The following KIF6 variants were observed in gnomAD, a reference collection of about 807,000 sequenced individuals.
KIF6 encodes kinesin-like protein KIF6.
Under a neutral mutation model 112.7 loss-of-function variants are expected in KIF6, and 106 were observed. The observed-to-expected ratio is 0.94, with a 90% CI of 0.80 to 1.11. The LOEUF (loss-of-function observed/expected upper bound fraction) is 1.11, where lower values mean the gene tolerates loss of function less well. Among genes scored for constraint, KIF6 ranks in the 50% least tolerant of loss-of-function variants. The pLI, the probability that KIF6 is intolerant of heterozygous loss-of-function variation, is 0.00. For missense variants in KIF6, 929 were observed against 964.0 expected (o/e 0.96, Z 0.48); for synonymous variants, 339 against 339.9 (o/e 1.00, Z 0.03).
intron 13 of KIF6, among the ~76,000 whole-genome samples, chr6:39,483,522 G>A (rs921299694): frequency 5.3e-5 from 8 of 152,148 alleles, no homozygotes; most frequent in African/African-American, 1.9e-4. Flanking sequence ...GACATGCCAA[G>A]TTTTCTCTGT....
At chr6:39,670,347 A>G (rs1056586832) in intron 3 of KIF6, among the ~76,000 whole-genome samples, 7 of 152,234 alleles carry the variant, frequency 4.6e-5, no homozygotes, top group African/African-American at 1.7e-4. Flanking sequence ...CTCTACAGAA[A>G]CTTAATTAGT....
chr6:39,495,710 T>C (rs779235350), intron 13 of KIF6, among the ~76,000 whole-genome samples: 2 of 152,202 alleles, frequency 1.3e-5, no homozygotes, highest in African/African-American at 2.4e-5. Context: ...ATGCAGAGTA[T>C]GACTTTTTTA....
At chr6:39,627,252 C>T (rs1234031753) in intron 5 of KIF6, among the ~76,000 whole-genome samples, 1 of 152,188 alleles carries the variant, frequency 6.6e-6, no homozygotes, top group Non-Finnish European at 1.5e-5. Context: ...AGGATGATTT[C>T]ATCTGCTATC....
intron 15 of KIF6, among the ~76,000 whole-genome samples, chr6:39,419,440 AC>A (rs1435368779): frequency 6.6e-6 from 1 of 150,978 alleles, no homozygotes; most frequent in Non-Finnish European, 1.5e-5. Context: ...AGGGGTACTC[AC>A]CTAAGTGGGG....
intron 15 of KIF6, among the ~76,000 whole-genome samples, chr6:39,403,041 TA>T (rs58238004): frequency 0.076 from 11,482 of 150,840 alleles, 596 homozygotes; most frequent in African/African-American, 0.14. Context: ...CTAGAGAAAT[TA>T]AAAAAAAAAT....
intron 13 of KIF6, among the ~76,000 whole-genome samples, chr6:39,466,188 G>T (rs1044242624): frequency 2.0e-5 from 3 of 152,288 alleles, no homozygotes; most frequent in Non-Finnish European, 4.4e-5. Context: ...GTAAAAAGTT[G>T]TTCTGATAAA....
chr6:39,343,611 G>T lies in KIF6; in HGVS notation c.2428+98C>A, dbSNP rs1196185983. On this transcript the variant is annotated intron_variant, in intron 22 of 22. Transcript: ENST00000287152. This position sits in a 1 kb window ranked among gnomAD's most constrained non-coding sequence, Gnocchi z 4.1. ...GCCAGTCCTGTGGCTTCAGGAATATGCAGGAAACTCCCTACTCCCCTCCCA... is the reference window on the plus strand; with the variant it reads ...GCCAGTCCTGTGGCTTCAGGAATATTCAGGAAACTCCCTACTCCCCTCCCA... The T allele has an allele frequency of 3.5e-6, 4 of 1,153,988 alleles. No individual in the cohort carries two copies. The highest frequency in any genetic ancestry group is 4.9e-6 in the Non-Finnish European group (4 of 814,894). 71.5% of individuals were successfully genotyped at this position (1,153,988 alleles called of 1,614,324 possible).
chr6:39,442,632 T>C (rs1771988421), intron 13 of KIF6, among the ~76,000 whole-genome samples: 1 of 152,214 alleles, frequency 6.6e-6, no homozygotes, highest in African/African-American at 2.4e-5. Context: ...CTGGATCTAT[T>C]GAGTCTTTTC....
At position 39,483,581 on chromosome 6, in the gene KIF6, A is replaced by G. The variant is rs1453727967; in HGVS notation, c.1646-52420T>C. Reference sequence around the variant, plus strand: ...CGCTCATGAAAACAACTTGAAATCCATTGATTTAGAGCAGGTTTTAAACCA... The same window carrying G: ...CGCTCATGAAAACAACTTGAAATCCGTTGATTTAGAGCAGGTTTTAAACCA... On this transcript the variant is annotated intron_variant, in intron 13 of 22. Transcript: ENST00000287152. Among the ~76,000 whole-genome samples, 4 of 152,194 alleles carry G rather than the reference A, an allele frequency of 2.6e-5. 1 individual carries two copies. The highest frequency in any genetic ancestry group is 5.9e-5 in the Non-Finnish European group (4 of 68,020).
At chr6:39,675,418 G>A (rs908762882) in intron 3 of KIF6, among the ~76,000 whole-genome samples, 7 of 152,138 alleles carry the variant, frequency 4.6e-5, no homozygotes, top group Non-Finnish European at 8.8e-5. Flanking sequence ...CTACCCAAAT[G>A]TCATGCAAAT....
intron 9 of KIF6, among the ~76,000 whole-genome samples, chr6:39,584,555 C>T (rs1781509043): frequency 6.9e-6 from 1 of 145,520 alleles, no homozygotes; most frequent in Non-Finnish European, 1.5e-5. Context: ...TGTATGAGTC[C>T]TTAGGATTCC....
chr6:39,661,524 C>T (rs531765912), intron 3 of KIF6, among the ~76,000 whole-genome samples: 1 of 152,104 alleles, frequency 6.6e-6, no homozygotes, highest in Admixed American at 6.5e-5. Flanking sequence ...TCATTCTCTT[C>T]CTGGGGACCA....
intron 19 of KIF6, among the ~76,000 whole-genome samples, chr6:39,356,725 C>T (rs567086439): frequency 5.9e-5 from 9 of 152,296 alleles, no homozygotes; most frequent in African/African-American, 1.4e-4. Flanking sequence ...CGTGCTTCCT[C>T]GGTGCTACCC....
intron 13 of KIF6, among the ~76,000 whole-genome samples, chr6:39,487,625 G>A (rs1775197681): frequency 6.6e-6 from 1 of 152,146 alleles, no homozygotes; most frequent in African/African-American, 2.4e-5. Flanking sequence ...GAAATATACA[G>A]AGTATTAAGA....
intron 12 of KIF6, among the ~76,000 whole-genome samples, chr6:39,542,200 T>C (rs1778825971): frequency 6.6e-6 from 1 of 152,164 alleles, no homozygotes; most frequent in African/African-American, 2.4e-5. Flanking sequence ...CGTTCTGATG[T>C]ACATTTCATA....
intron 10 of KIF6, among the ~76,000 whole-genome samples, chr6:39,564,391 A>G (rs2150603443): frequency 6.6e-6 from 1 of 152,324 alleles, no homozygotes; most frequent in Middle Eastern, 3.4e-3. Flanking sequence ...TTTGAGGAAT[A>G]GAGTAGAAAA....
intron 16 of KIF6, among the ~76,000 whole-genome samples, chr6:39,383,453 G>A (rs1467318641): frequency 6.6e-6 from 1 of 152,128 alleles, no homozygotes; most frequent in Non-Finnish European, 1.5e-5. Context: ...TGACTTTGTT[G>A]GAGATCAGTT....
In KIF6 at chr6:39,604,185, T is replaced by C. The variant is rs1055199509; in HGVS notation, c.640-7925A>G. Among the ~76,000 whole-genome samples, 12 of 152,192 alleles carry C rather than the reference T, an allele frequency of 7.9e-5. 1 individual carries two copies. The highest frequency in any genetic ancestry group is 2.9e-5 in the Non-Finnish European group (2 of 68,032). ...TGAAGACTGAAAATGCTAACTTCCATGTGGTTTTCTAAATGTTTTCTGGGT... is the reference window on the plus strand; with the variant it reads ...TGAAGACTGAAAATGCTAACTTCCACGTGGTTTTCTAAATGTTTTCTGGGT... On this transcript the variant is annotated intron_variant, in intron 6 of 22. Coordinates refer to ENST00000287152, the MANE Select transcript of KIF6 (RefSeq NM_145027.6).
At chr6:39,636,723 T>C (rs1453404079) in intron 4 of KIF6, among the ~76,000 whole-genome samples, 1 of 152,046 alleles carries the variant, frequency 6.6e-6, no homozygotes, top group Non-Finnish European at 1.5e-5. Flanking sequence ...CATTCTGAGA[T>C]CCTGTTTAAA....
Sources: allele counts gnomAD v4.1 joint callset (sites outside exome capture counted in the v4.1 genomes callset), GRCh38; gene constraint gnomAD v4.1.1; non-coding constraint Gnocchi (gnomAD v3.1); transcripts MANE v1.5; gene names NCBI Gene and HGNC (gene_info 2026-07-23, HGNC 2026-07-21).